CMTM8: variants seen among roughly 807,000 people sequenced by gnomAD.
The protein encoded by CMTM8 is CKLF-like MARVEL transmembrane domain-containing protein 8.
Under a neutral mutation model 18.6 loss-of-function variants are expected in CMTM8, and 12 were observed. The observed-to-expected ratio is 0.65, with a 90% CI of 0.41 to 1.05. The LOEUF (loss-of-function observed/expected upper bound fraction) is 1.05. CMTM8 is among the 50% of genes least tolerant of loss of function. CMTM8 has a pLI of 0.00. For missense variants in CMTM8, 217 were observed against 227.2 expected (o/e 0.95, Z 0.29); for synonymous variants, 87 against 90.6 (o/e 0.96, Z 0.23).
At chr3:32,284,901 G>A (rs1702654913) in intron 1 of CMTM8, among the ~76,000 whole-genome samples, 1 of 152,184 alleles carries the variant, frequency 6.6e-6, no homozygotes, top group South Asian at 2.1e-4. Context: ...AAGAAAATTG[G>A]GAGAAATGCA....
chr3:32,323,106 A>G (rs146874145), intron 1 of CMTM8, among the ~76,000 whole-genome samples: 2 of 152,294 alleles, frequency 1.3e-5, no homozygotes, highest in Non-Finnish European at 2.9e-5. Context: ...GATGATATTC[A>G]GATGCTTTGG....
chr3:32,294,983 A>G (rs1244528030), intron 1 of CMTM8, among the ~76,000 whole-genome samples: 1 of 152,134 alleles, frequency 6.6e-6, no homozygotes, highest in Non-Finnish European at 1.5e-5. Flanking sequence ...TGAGCTTGGG[A>G]GGCGGAGGTT....
chr3:32,280,846 C>CAAAAAAAAAAAAAAAAAAAAA (rs60845487), intron 1 of CMTM8, among the ~76,000 whole-genome samples: 2 of 68,132 alleles, frequency 2.9e-5, no homozygotes, highest in Non-Finnish European at 5.3e-5. Flanking sequence ...AGAAAATAGG[C>CAAAAAAAAAAAAAAAAAAAAA]AAAAAAAAAA....
intron 1 of CMTM8, among the ~76,000 whole-genome samples, chr3:32,243,391 C>T (rs1315337543): frequency 6.6e-6 from 1 of 151,784 alleles, no homozygotes; most frequent in African/African-American, 2.4e-5. Flanking sequence ...ATTAGCCCAG[C>T]ATGGTGCTGG....
intron 3 of CMTM8, among the ~76,000 whole-genome samples, chr3:32,369,363 A>C (rs984259573): frequency 7.9e-5 from 12 of 152,190 alleles, no homozygotes; most frequent in Non-Finnish European, 1.6e-4. Context: ...GACATTAAAA[A>C]TCACAAGCTT....
At chr3:32,310,223 T>C (rs889281452) in intron 1 of CMTM8, among the ~76,000 whole-genome samples, 1 of 152,094 alleles carries the variant, frequency 6.6e-6, no homozygotes, top group Non-Finnish European at 1.5e-5. Flanking sequence ...GGTACTCAAC[T>C]GTAGGGACAA....
chr3:32,341,452 A>G (rs1024958046), intron 1 of CMTM8, among the ~76,000 whole-genome samples: 1 of 152,230 alleles, frequency 6.6e-6, no homozygotes, highest in Non-Finnish European at 1.5e-5. Flanking sequence ...TCACAATAGC[A>G]ACTATCCTTT....
At position 32,298,929 on chromosome 3, in the gene CMTM8, ATATATATATATG is replaced by A. The variant is rs1559373416; in HGVS notation, c.148-58432_148-58421del. Among the ~76,000 whole-genome samples the A allele has an allele frequency of 1.6e-4, 22 of 137,396 alleles. No homozygotes were observed. In the South Asian group the frequency reaches 4.7e-3, roughly 29 times the overall value. 90.1% of individuals were successfully genotyped at this position (137,396 alleles called of 152,430 possible). A position where few individuals can be genotyped will look rare whatever the true frequency, so the allele number is the denominator to read the frequency against. ...CACACACACATACACACACACATAT[ATATATATATATG>A]TATATATATATATATTTTTTTTTTT... On this transcript the variant is annotated intron_variant, in intron 1 of 3. Coordinates refer to ENST00000307526, the MANE Select transcript of CMTM8 (RefSeq NM_178868.5).
At chr3:32,299,402 A>C (rs1695569400) in intron 1 of CMTM8, among the ~76,000 whole-genome samples, 1 of 152,206 alleles carries the variant, frequency 6.6e-6, no homozygotes, top group Admixed American at 6.5e-5. Flanking sequence ...TCTACACCAG[A>C]GATCAACTTT....
At chr3:32,270,240 C>T (rs529704416) in intron 1 of CMTM8, among the ~76,000 whole-genome samples, 29 of 152,086 alleles carry the variant, frequency 1.9e-4, no homozygotes, top group South Asian at 2.1e-4. Flanking sequence ...AAATCATGTT[C>T]GAACAAGTAA....
intron 1 of CMTM8, among the ~76,000 whole-genome samples, chr3:32,317,762 A>G (rs2125574784): frequency 6.6e-6 from 1 of 152,312 alleles, no homozygotes; most frequent in Non-Finnish European, 1.5e-5. Context: ...AGCAGTTTAA[A>G]AAGAAATAAG....
chr3:32,297,511 T>A (rs543498957), intron 1 of CMTM8, among the ~76,000 whole-genome samples: 1 of 148,744 alleles, frequency 6.7e-6, no homozygotes, highest in Admixed American at 6.7e-5. Context: ...GCTATTCTTA[T>A]CTGTGAACCA....
chr3:32,289,779 C>G (rs1487920243), intron 1 of CMTM8, among the ~76,000 whole-genome samples: 1 of 152,130 alleles, frequency 6.6e-6, no homozygotes, highest in Admixed American at 6.5e-5. Context: ...TTATATTCAT[C>G]GTAGGCCCTG....
In CMTM8 at chr3:32,315,645, C is replaced by G. The variant is rs6789019; in HGVS notation, c.148-41728C>G. Among the ~76,000 whole-genome samples the G allele has an allele frequency of 7.5e-3, 1,145 of 152,308 alleles. 18 individuals carry two copies. Among genetic ancestry groups the G allele is most frequent in the African/African-American group, 0.026 (1,070 of 41,552 alleles). ...TCACAGTTAATGTTGTACTATGTGA[C>G]TCCATGCTTTAATATGACACATTGC... On this transcript the variant is annotated intron_variant, in intron 1 of 3. Transcript: ENST00000307526.
chr3:32,263,151 C>T (rs982185111), intron 1 of CMTM8, among the ~76,000 whole-genome samples: 9 of 152,210 alleles, frequency 5.9e-5, no homozygotes, highest in African/African-American at 2.2e-4. Context: ...GACAGACTGC[C>T]TCTTCAAGTG....
intron 1 of CMTM8, among the ~76,000 whole-genome samples, chr3:32,307,180 A>G (rs1695730971): frequency 6.6e-6 from 1 of 152,130 alleles, no homozygotes; most frequent in South Asian, 2.1e-4. Flanking sequence ...TCTCTACTAA[A>G]AATACAAAAA....
intron 1 of CMTM8, among the ~76,000 whole-genome samples, chr3:32,348,657 C>A (rs1331932198): frequency 6.6e-6 from 1 of 150,852 alleles, no homozygotes; most frequent in Non-Finnish European, 1.5e-5. Context: ...TGCCATCACA[C>A]CCAGCTAATT....
chr3:32,335,257 A>C (rs1052208243), intron 1 of CMTM8, among the ~76,000 whole-genome samples: 9 of 152,144 alleles, frequency 5.9e-5, no homozygotes, highest in African/African-American at 1.9e-4. Context: ...TTCCTGGGAG[A>C]GCTGAGAGAG....
chr3:32,266,268 G>A (rs1341819332), intron 1 of CMTM8, among the ~76,000 whole-genome samples: 1 of 152,188 alleles, frequency 6.6e-6, no homozygotes, highest in Admixed American at 6.5e-5. Flanking sequence ...GATCAAGTGG[G>A]CTTCATCCCT....
Sources: gnomAD v4.1 joint callset for allele counts (sites outside exome capture counted in the v4.1 genomes callset) on GRCh38, gnomAD v4.1.1 for gene constraint, MANE v1.5 for transcripts, NCBI Gene and HGNC (gene_info 2026-07-23, HGNC 2026-07-21) for gene names.